ANO3: variants seen among roughly 807,000 people sequenced by gnomAD.
ANO3 encodes anoctamin 3, also known as anoctamin-3.
ANO3 carries 99 observed loss-of-function variants against 144.8 expected under a neutral mutation model. The ratio of observed to expected loss-of-function variants is 0.68; its 90% CI spans 0.58 to 0.81. The LOEUF (loss-of-function observed/expected upper bound fraction) is 0.81, where lower values mean the gene tolerates loss of function less well. Among genes scored for constraint, ANO3 ranks in the 30% least tolerant of loss-of-function variants. The pLI, the probability that ANO3 is intolerant of heterozygous loss-of-function variation, is 0.00. For missense variants in ANO3, 905 were observed against 1,202.2 expected (o/e 0.75, Z 3.66); for synonymous variants, 414 against 392.6 (o/e 1.05, Z -0.64).
chr11:26,539,133 TACACACACACAC>T (rs68138224), intron 10 of ANO3, among the ~76,000 whole-genome samples: 3,296 of 148,866 alleles, frequency 0.022, 99 homozygotes, highest in African/African-American at 0.063. Context: ...ACAAGAGAAA[TACACACACACAC>T]ACACACACAC....
chr11:26,205,280 G>GA (rs1160223922), intron 1 of ANO3, among the ~76,000 whole-genome samples: 3 of 152,174 alleles, frequency 2.0e-5, no homozygotes, highest in African/African-American at 7.2e-5. Context: ...GGAGAAGAGA[G>GA]AAAATCCTCA....
chr11:26,629,110 C>T (rs975404229), intron 18 of ANO3, among the ~76,000 whole-genome samples: 1 of 152,152 alleles, frequency 6.6e-6, no homozygotes, highest in African/African-American at 2.4e-5. Context: ...ACCAGTTTAA[C>T]TGCTACCAAT....
intron 1 of ANO3, among the ~76,000 whole-genome samples, chr11:26,195,701 A>G (rs1271704167): frequency 1.3e-5 from 2 of 152,186 alleles, no homozygotes; most frequent in Non-Finnish European, 2.9e-5. Context: ...ATAATTCTCT[A>G]TATCCTGAAT....
At chr11:26,618,412 T>C (rs528169029) in intron 17 of ANO3, among the ~76,000 whole-genome samples, 8 of 152,300 alleles carry the variant, frequency 5.3e-5, no homozygotes, top group Admixed American at 1.3e-4. Flanking sequence ...TTAGTTCAAC[T>C]AGTTGTCATT....
intron 1 of ANO3, among the ~76,000 whole-genome samples, chr11:26,387,299 T>C (rs1386637246): frequency 6.6e-6 from 1 of 151,880 alleles, no homozygotes; most frequent in African/African-American, 2.4e-5. Context: ...ATGAAGGTGA[T>C]AAAAGTACGA....
At chr11:26,375,810 T>A (rs1362123262) in intron 1 of ANO3, among the ~76,000 whole-genome samples, 3 of 152,090 alleles carry the variant, frequency 2.0e-5, no homozygotes, top group Admixed American at 1.3e-4. Context: ...CTAGAGAAGA[T>A]AATATCATTC....
At chr11:26,370,277 A>G (rs1440813816) in intron 1 of ANO3, among the ~76,000 whole-genome samples, 1 of 152,188 alleles carries the variant, frequency 6.6e-6, no homozygotes, top group Non-Finnish European at 1.5e-5. Flanking sequence ...CTCAGCTCTC[A>G]TTAATCTTTT....
intron 3 of ANO3, among the ~76,000 whole-genome samples, chr11:26,456,819 C>G (rs1298012184): frequency 7.6e-6 from 1 of 131,876 alleles, no homozygotes. Flanking sequence ...AGACTTGGAA[C>G]CAACCCAAAT....
intron 1 of ANO3, among the ~76,000 whole-genome samples, chr11:26,278,546 G>A (rs1853608855): frequency 6.6e-6 from 1 of 151,978 alleles, no homozygotes. Flanking sequence ...ACTCACGTAG[G>A]CTCAAGCTGG....
chr11:26,635,644 A>G (rs956595230), intron 20 of ANO3, among the ~76,000 whole-genome samples: 1 of 152,176 alleles, frequency 6.6e-6, no homozygotes, highest in Admixed American at 6.5e-5. Flanking sequence ...TATTTAGCCA[A>G]TGGTAGAATT....
intron 1 of ANO3, among the ~76,000 whole-genome samples, chr11:26,278,595 C>T (rs1233351383): frequency 1.3e-5 from 2 of 152,066 alleles, no homozygotes; most frequent in Admixed American, 6.6e-5. Flanking sequence ...TGGCACAAAT[C>T]ATGACCAATT....
At chr11:26,417,790 A>G (rs1013413473) in intron 1 of ANO3, among the ~76,000 whole-genome samples, 1 of 152,084 alleles carries the variant, frequency 6.6e-6, no homozygotes, top group Non-Finnish European at 1.5e-5. Flanking sequence ...TAAAATAAAT[A>G]TTACTGAAAA....
chr11:26,324,078 C>T (rs768319660), intron 1 of ANO3, among the ~76,000 whole-genome samples: 2 of 152,140 alleles, frequency 1.3e-5, no homozygotes, highest in Non-Finnish European at 2.9e-5. Context: ...AAGAAAAGCC[C>T]TACCTTAAGA....
Position 26,639,212 on chromosome 11 carries a change from A to G in ANO3, c.2112A>G (p.Ile704Met), listed in dbSNP as rs1853065096. ...GTGTCATCATGTTTTTGAAGCAAATATGGAACAACTTCATGGAACTAGGAT... is the reference window on the plus strand; with the variant it reads ...GTGTCATCATGTTTTTGAAGCAAATGTGGAACAACTTCATGGAACTAGGAT... ...QMGVIMFLKQ[I>M]WNNFMELGYP... The change falls in exon 21 of 27, where the codon ATA (isoleucine) becomes ATG (methionine). Residue 704 changes from isoleucine (I) to methionine (M), a missense_variant. This residue lies in a region of ANO3 where 597 missense variants were observed against 865.1 expected (regional missense o/e 0.69). Coordinates refer to ENST00000256737, the MANE Select transcript of ANO3 (RefSeq NM_031418.4). The G allele has an allele frequency of 1.9e-6, 3 of 1,613,576 alleles. No individual in the cohort carries two copies. Among genetic ancestry groups the G allele is most frequent in the African/African-American group, 1.3e-5 (1 of 75,024 alleles).
intron 17 of ANO3, 41 bp from the exon 18 acceptor site, chr11:26,624,421 A>G: frequency 6.8e-7 from 1 of 1,464,818 alleles, no homozygotes; most frequent in Non-Finnish European, 9.5e-7. Flanking sequence ...CTTTTCCAAA[A>G]GAGAGGAATA....
chr11:26,601,129 A>G (rs116938145), intron 17 of ANO3, among the ~76,000 whole-genome samples: 1 of 152,204 alleles, frequency 6.6e-6, no homozygotes, highest in Non-Finnish European at 1.5e-5. Flanking sequence ...GAGCTTAAAT[A>G]ACCTGCATAT....
At chr11:26,484,560 G>A (rs959965011) in intron 4 of ANO3, among the ~76,000 whole-genome samples, 2 of 152,146 alleles carry the variant, frequency 1.3e-5, no homozygotes, top group African/African-American at 4.8e-5. Context: ...TCTGCTGCAG[G>A]GGTGGAGCTT....
chr11:26,461,805 G>C (rs865855771), intron 3 of ANO3, among the ~76,000 whole-genome samples: 1 of 151,954 alleles, frequency 6.6e-6, no homozygotes. Context: ...TTAAATGTAG[G>C]AAGAAATTAT....
chr11:26,646,890 A>C (rs1380647925), intron 23 of ANO3, among the ~76,000 whole-genome samples: 1 of 152,074 alleles, frequency 6.6e-6, no homozygotes, highest in African/African-American at 2.4e-5. Context: ...TTCTTGTCTT[A>C]TGATCTCCTC....
Sources: allele counts gnomAD v4.1 joint callset (sites outside exome capture counted in the v4.1 genomes callset), GRCh38; gene constraint gnomAD v4.1.1; regional missense constraint gnomAD v4.1.1; transcripts MANE v1.5; gene names NCBI Gene and HGNC (gene_info 2026-07-23, HGNC 2026-07-21).